Variants in TMPRSS15 observed in about 807,000 individuals in gnomAD.
The protein encoded by TMPRSS15 is enteropeptidase.
In TMPRSS15, 128 loss-of-function variants were observed where a neutral mutation model predicts 125.3. That is an observed-to-expected ratio of 1.02 (90% CI 0.89 to 1.18). The LOEUF (loss-of-function observed/expected upper bound fraction) is 1.18. Among genes scored for constraint, TMPRSS15 ranks in the 50% most tolerant of loss-of-function variants. The probability of loss-of-function intolerance (pLI) is 0.00; values close to 1 mark genes in which losing one functional copy is unlikely to be tolerated. For synonymous variants in TMPRSS15, 446 were observed against 423.2 expected, an observed-to-expected ratio of 1.05 and a Z score of -0.66; for missense variants, 1,283 against 1,212.7, an observed-to-expected ratio of 1.06 and a Z score of -0.86.
At chr21:18,424,132 A>G (rs1397669069) in intron 1 of TMPRSS15, among the ~76,000 whole-genome samples, 1 of 152,110 alleles carries the variant, frequency 6.6e-6, no homozygotes, top group Non-Finnish European at 1.5e-5. Context: ...AGTGTTTTAA[A>G]TTTTTTTTAT....
chr21:18,353,219 T>G (rs1448040080), intron 9 of TMPRSS15, among the ~76,000 whole-genome samples, 167 bp from the exon 10 acceptor site: 1 of 151,922 alleles, frequency 6.6e-6, no homozygotes, highest in Non-Finnish European at 1.5e-5. Context: ...TATTTATTTT[T>G]TTTAAAGCAG....
chr21:18,475,005 A>G (rs896205871), intron 1 of TMPRSS15, among the ~76,000 whole-genome samples: 4 of 152,204 alleles, frequency 2.6e-5, no homozygotes, highest in Non-Finnish European at 5.9e-5. Context: ...ATGTGAGACC[A>G]TAATATAGAG....
At chr21:18,345,028 A>C (rs577209335) in intron 10 of TMPRSS15, among the ~76,000 whole-genome samples, 2 of 152,334 alleles carry the variant, frequency 1.3e-5, no homozygotes, top group East Asian at 3.9e-4. Flanking sequence ...AGTAAGAACA[A>C]GGCATAAAGA....
At chr21:18,388,450 A>G (rs541882843) in intron 3 of TMPRSS15, among the ~76,000 whole-genome samples, 7 of 152,272 alleles carry the variant, frequency 4.6e-5, no homozygotes, top group African/African-American at 1.7e-4. Flanking sequence ...ATATTCATCA[A>G]ATTTTCCCAA....
intron 16 of TMPRSS15, among the ~76,000 whole-genome samples, chr21:18,319,745 G>C (rs765653747): frequency 1.7e-4 from 26 of 152,084 alleles, no homozygotes; most frequent in Non-Finnish European, 1.6e-4. Flanking sequence ...TATTTTTCAA[G>C]TTAACATTTT....
In TMPRSS15 at chr21:18,403,114, T is replaced by C. The variant is rs2076112059; in HGVS notation, c.145+364A>G. Among the ~76,000 whole-genome samples, 3 of 152,234 alleles carry C rather than the reference T, an allele frequency of 2.0e-5. No homozygotes were observed. The South Asian group carries it at 6.2e-4, about 31-fold the overall frequency. ...ATATTCAACAACATGTTAATATGTTTGTGATTTAAATTATATCAAAACAAA... is the reference window on the plus strand; with the variant it reads ...ATATTCAACAACATGTTAATATGTTCGTGATTTAAATTATATCAAAACAAA... On this transcript the variant is annotated intron_variant, in intron 1 of 24. Transcript: ENST00000284885.
chr21:18,403,240 A>G (rs1414408287), intron 1 of TMPRSS15, among the ~76,000 whole-genome samples: 1 of 152,220 alleles, frequency 6.6e-6, no homozygotes, highest in South Asian at 2.1e-4. Context: ...TAAATTCTGC[A>G]TTAAGTTTCA....
chr21:18,383,811 G>T (rs1186699609), intron 3 of TMPRSS15, 33 bp from the exon 4 acceptor site: 1 of 1,604,450 alleles, frequency 6.2e-7, no homozygotes, highest in Non-Finnish European at 8.5e-7. Flanking sequence ...AGAGGAAAAA[G>T]TCAGCCATCT....
chr21:18,482,674 T>C (rs141448562), intron 1 of TMPRSS15, among the ~76,000 whole-genome samples: 1,962 of 151,846 alleles, frequency 0.013, 38 homozygotes, highest in African/African-American at 0.044. Flanking sequence ...AGAAATGATA[T>C]GATTTTACCT....
At chr21:18,389,663 A>T (rs942042583) in intron 3 of TMPRSS15, among the ~76,000 whole-genome samples, 11 of 152,114 alleles carry the variant, frequency 7.2e-5, no homozygotes, top group African/African-American at 2.7e-4. Context: ...CCAACAGGAG[A>T]TGGGAAGGCA....
Position 18,277,944 on chromosome 21 carries a change from G to A in TMPRSS15, c.2764+1020C>T, listed in dbSNP as rs371141242. Among the ~76,000 whole-genome samples the A allele has an allele frequency of 2.3e-4, 35 of 152,204 alleles. No homozygotes were observed. The East Asian group carries it at 2.9e-3, about 13-fold the overall frequency. On this transcript the variant is annotated intron_variant, in intron 23 of 24. Coordinates refer to ENST00000284885, the MANE Select transcript of TMPRSS15 (RefSeq NM_002772.3). Reference sequence around the variant, plus strand: ...GTTACATTTAGAGGGTATGAAGTACGAGAATACTTTTCAAAAAAAAGTATG... The same window carrying A: ...GTTACATTTAGAGGGTATGAAGTACAAGAATACTTTTCAAAAAAAAGTATG...
chr21:18,392,007 C>T (rs563394491), intron 3 of TMPRSS15, among the ~76,000 whole-genome samples: 4 of 152,284 alleles, frequency 2.6e-5, no homozygotes, highest in Non-Finnish European at 5.9e-5. Flanking sequence ...GGCTGGGACG[C>T]AGGGCACCAA....
chr21:18,464,905 T>C (rs2123277519), intron 1 of TMPRSS15, among the ~76,000 whole-genome samples: 1 of 152,320 alleles, frequency 6.6e-6, no homozygotes, highest in East Asian at 1.9e-4. Context: ...CCCTAACTCA[T>C]TTCTTGAGGC....
intron 1 of TMPRSS15, among the ~76,000 whole-genome samples, chr21:18,417,506 A>G (rs1601455726): frequency 6.6e-6 from 1 of 152,192 alleles, no homozygotes; most frequent in African/African-American, 2.4e-5. Flanking sequence ...AAGATACTAC[A>G]GAAAAAAGAA....
chr21:18,279,850 G>T (rs1216628627), intron 22 of TMPRSS15, among the ~76,000 whole-genome samples: 1 of 152,006 alleles, frequency 6.6e-6, no homozygotes, highest in African/African-American at 2.4e-5. Flanking sequence ...AAAGCTTTTA[G>T]GAGATTGTTT....
At chr21:18,333,734 A>G (rs1402942936) in intron 13 of TMPRSS15, among the ~76,000 whole-genome samples, 3 of 152,154 alleles carry the variant, frequency 2.0e-5, no homozygotes, top group Non-Finnish European at 4.4e-5. Context: ...CAAATTTATT[A>G]AAACAACAGA....
intron 8 of TMPRSS15, among the ~76,000 whole-genome samples, chr21:18,358,663 T>C (rs1389544487): frequency 6.6e-6 from 1 of 152,068 alleles, no homozygotes; most frequent in East Asian, 1.9e-4. Context: ...GGGCTTTGAT[T>C]TCTGCCTCCA....
intron 3 of TMPRSS15, among the ~76,000 whole-genome samples, chr21:18,385,007 C>T (rs1231749382): frequency 1.3e-5 from 2 of 152,128 alleles, no homozygotes; most frequent in African/African-American, 4.8e-5. Flanking sequence ...TCTTCGTGTC[C>T]ATGGCACTAT....
chr21:18,386,340 C>A (rs1318227241), intron 3 of TMPRSS15, among the ~76,000 whole-genome samples: 1 of 152,118 alleles, frequency 6.6e-6, no homozygotes, highest in Non-Finnish European at 1.5e-5. Flanking sequence ...CCCATCCCCC[C>A]ACACTCAACA....
Sources: allele counts gnomAD v4.1 joint callset (sites outside exome capture counted in the v4.1 genomes callset), GRCh38; gene constraint gnomAD v4.1.1; transcripts MANE v1.5; gene names NCBI Gene and HGNC (gene_info 2026-07-23, HGNC 2026-07-21).